FGF20: variants seen among roughly 807,000 people sequenced by gnomAD.
FGF20 encodes the protein fibroblast growth factor 20.
In FGF20, 8 loss-of-function variants were observed where a neutral mutation model predicts 16.7. That is an observed-to-expected ratio of 0.48 (90% CI 0.28 to 0.87). The LOEUF (loss-of-function observed/expected upper bound fraction) is 0.87, where lower values mean the gene tolerates loss of function less well. Ranked by LOEUF, FGF20 falls within the 40% of genes least tolerant of loss-of-function variation. The pLI, the probability that FGF20 is intolerant of heterozygous loss-of-function variation, is 0.10. For synonymous variants in FGF20, 161 were observed against 118.6 expected (o/e 1.36, Z -2.32); for missense variants, 397 against 281.4 (o/e 1.41, Z -2.94).
In FGF20 at chr8:16,992,875, A is replaced by G. The variant is rs1302463152; in HGVS notation, c.*197T>C. The stretch of plus-strand genomic sequence containing the variant: ...GTATCTAAGGGAACTTAATCCACAT[A>G]TAAAGAGTGATCATGATCTATTTCT... On this transcript the variant is annotated 3_prime_UTR_variant, in exon 3 of 3. Coordinates refer to ENST00000180166, the MANE Select transcript of FGF20 (RefSeq NM_019851.3). The G allele has an allele frequency of 1.9e-5, 12 of 620,934 alleles. No individual in the cohort carries two copies. The highest frequency in any genetic ancestry group is 3.0e-5 in the East Asian group (1 of 33,692). 38.5% of individuals were successfully genotyped at this position (620,934 alleles called of 1,614,324 possible).
At chr8:16,996,091 C>G (rs1810037508) in intron 1 of FGF20, among the ~76,000 whole-genome samples, 1 of 152,154 alleles carries the variant, frequency 6.6e-6, no homozygotes, top group Admixed American at 6.5e-5. Flanking sequence ...CTGGCCTCTC[C>G]TGTAATGGGG....
rs1159130030 is a variant in FGF20, at chr8:17,001,868, C to T, written c.165G>A (p.Ala55=). 6.8e-7 allele frequency: 1 copy of T among 1,467,768 alleles called. No homozygotes were observed. Among genetic ancestry groups the T allele is most frequent in the African/African-American group, 1.5e-5 (1 of 68,058 alleles). The allele number at this position is 1,467,768 out of a possible 1,614,324, so 90.9% of individuals were successfully genotyped here. A position where few individuals can be genotyped will look rare whatever the true frequency, so the allele number is the denominator to read the frequency against. Residue 55 remains alanine, a synonymous_variant, in exon 1 of 3, where the codon GCG becomes GCA. Coordinates refer to ENST00000180166, the MANE Select transcript of FGF20 (RefSeq NM_019851.3). ...ERSARGGPGA[A]QLAHLHGILR... ...GGATGCCGTGCAGGTGCGCCAGCTG[C>T]GCAGCCCCCGGCCCGCCGCGCGCGC...
At chr8:16,997,286 G>T (rs1810077515) in intron 1 of FGF20, among the ~76,000 whole-genome samples, 1 of 151,984 alleles carries the variant, frequency 6.6e-6, no homozygotes, top group Non-Finnish European at 1.5e-5. Context: ...TATTTTCTAT[G>T]CTTGGCACTG....
chr8:17,001,206 T>C (rs1341155181), intron 1 of FGF20, among the ~76,000 whole-genome samples: 1 of 152,150 alleles, frequency 6.6e-6, no homozygotes, highest in East Asian at 1.9e-4. Flanking sequence ...ACGTAAATGC[T>C]CGCAATCCAT....
chr8:17,001,213 C>G (rs574259011), intron 1 of FGF20, among the ~76,000 whole-genome samples: 3 of 152,174 alleles, frequency 2.0e-5, no homozygotes, highest in Non-Finnish European at 1.5e-5. Flanking sequence ...TGCTCGCAAT[C>G]CATGCCCAGA....
At chr8:16,995,446 G>A (rs1363014373) in intron 2 of FGF20, among the ~76,000 whole-genome samples, 1 of 152,080 alleles carries the variant, frequency 6.6e-6, no homozygotes, top group Non-Finnish European at 1.5e-5. Flanking sequence ...ATGAGCTGAA[G>A]GTAATAATGG....
intron 1 of FGF20, among the ~76,000 whole-genome samples, chr8:17,000,600 A>C (rs939242724): frequency 1.5e-4 from 23 of 152,272 alleles, no homozygotes; most frequent in African/African-American, 5.5e-4. Flanking sequence ...AAAGTTTGAT[A>C]ATCAAAATCC....
chr8:17,001,441 G>A (rs558000734), intron 1 of FGF20, among the ~76,000 whole-genome samples: 3 of 152,216 alleles, frequency 2.0e-5, no homozygotes, highest in African/African-American at 7.2e-5. Flanking sequence ...CCCGGCAGTG[G>A]GAAGGGCAAG....
In FGF20 at chr8:16,992,279, G is replaced by A. The variant is rs1417597853; in HGVS notation, c.*793C>T. ...AAAGAAACCAACGTTACATTTAGAA[G>A]GCAATTGACTGCATAAAAAATATAA... On this transcript the variant is annotated 3_prime_UTR_variant, in exon 3 of 3. Coordinates refer to ENST00000180166, the MANE Select transcript of FGF20 (RefSeq NM_019851.3). 6.6e-6 allele frequency: 1 copy of A among 151,954 alleles called. No homozygotes were observed. Among genetic ancestry groups the A allele is most frequent in the African/African-American group, 2.4e-5 (1 of 41,378 alleles). 9.4% of individuals were successfully genotyped at this position (151,954 alleles called of 1,614,324 possible).
chr8:16,999,469 G>A (rs1021319001), intron 1 of FGF20, among the ~76,000 whole-genome samples: 3 of 149,026 alleles, frequency 2.0e-5, no homozygotes, highest in Admixed American at 2.0e-4. Context: ...AGTAAAAGAG[G>A]CCTTTTTTTT....
chr8:16,994,298 A>G (rs1809991001), intron 2 of FGF20, among the ~76,000 whole-genome samples: 1 of 152,116 alleles, frequency 6.6e-6, no homozygotes. Flanking sequence ...ACTCCAAATC[A>G]TATATCTTCT....
chr8:16,993,577 G>A (rs1422632247), intron 2 of FGF20, among the ~76,000 whole-genome samples: 3 of 152,198 alleles, frequency 2.0e-5, no homozygotes, highest in South Asian at 2.1e-4. Context: ...ATTTTTCCAC[G>A]GACCAGGATG....
intron 1 of FGF20, among the ~76,000 whole-genome samples, chr8:17,001,498 G>A (rs1451900277): frequency 6.6e-6 from 1 of 152,050 alleles, no homozygotes; most frequent in African/African-American, 2.4e-5. Flanking sequence ...TTCTCCTCCC[G>A]CCCCCAGCAT....
In FGF20 at chr8:17,002,147, T is replaced by G; in HGVS notation, c.-115A>C. The G allele has an allele frequency of 8.9e-7, 1 of 1,127,198 alleles. No individual in the cohort carries two copies. The highest frequency in any genetic ancestry group is 1.2e-6 in the Non-Finnish European group (1 of 849,110). 69.8% of individuals were successfully genotyped at this position (1,127,198 alleles called of 1,614,324 possible). On this transcript the variant is annotated 5_prime_UTR_variant, in exon 1 of 3. Transcript: ENST00000180166. ...ACGAGCGCAAAAAGTTAAGGCCCGG[T>G]TACTCCTCTGAGGTCGCTCCGGAGG...
intron 1 of FGF20, among the ~76,000 whole-genome samples, chr8:16,997,780 T>C (rs547675180): frequency 8.5e-5 from 13 of 152,198 alleles, no homozygotes; most frequent in Non-Finnish European, 1.8e-4. Context: ...CACTGCCAAG[T>C]TCATTAGCAA....
intron 2 of FGF20, 62 bp downstream of exon 2, chr8:16,995,593 C>T (rs956528475): frequency 1.8e-5 from 12 of 678,110 alleles, no homozygotes; most frequent in African/African-American, 3.7e-5. Context: ...ATTTTAATTA[C>T]ATAATAGATA....
chr8:16,993,411 T>A, intron 2 of FGF20, 94 bp from the exon 3 acceptor site: 1 of 1,270,738 alleles, frequency 7.9e-7, no homozygotes, highest in Non-Finnish European at 1.1e-6. Context: ...TTCTTTGCCT[T>A]GTCAAAGAAA....
chr8:16,998,876 A>G lies in FGF20; in HGVS notation c.286+2871T>C, dbSNP rs116649777. On this transcript the variant is annotated intron_variant, in intron 1 of 2. Transcript: ENST00000180166. The stretch of plus-strand genomic sequence containing the variant: ...AGAGATAACTCATGGCCAAATTAGT[A>G]TAAAACTGGCAAAAAAAAAAAAGTT... Among the ~76,000 whole-genome samples, 410 of 134,684 alleles carry G rather than the reference A, an allele frequency of 3.0e-3. 1 individual carries two copies. Among genetic ancestry groups the G allele is most frequent in the African/African-American group, 9.9e-3 (393 of 39,580 alleles). The allele number at this position is 134,684 out of a possible 152,430, so 88.4% of individuals were successfully genotyped here.
chr8:16,993,065 T>C lies in FGF20; in HGVS notation c.*7A>G. 6.2e-7 allele frequency: 1 copy of C among 1,612,988 alleles called. No homozygotes were observed. Among genetic ancestry groups the C allele is most frequent in the Non-Finnish European group, 8.5e-7 (1 of 1,179,594 alleles). On this transcript the variant is annotated 3_prime_UTR_variant, in exon 3 of 3. Coordinates refer to ENST00000180166, the MANE Select transcript of FGF20 (RefSeq NM_019851.3). ...GTTTGACTCTTCCATAATGTCACTATCGCACTTCAAGTGTACATCAGTAGG... is the reference window on the plus strand; with the variant it reads ...GTTTGACTCTTCCATAATGTCACTACCGCACTTCAAGTGTACATCAGTAGG...
Sources: gnomAD v4.1 joint callset for allele counts (sites outside exome capture counted in the v4.1 genomes callset) on GRCh38, gnomAD v4.1.1 for gene constraint, MANE v1.5 for transcripts, NCBI Gene and HGNC (gene_info 2026-07-23, HGNC 2026-07-21) for gene names.